The following KIAA1217 variants were observed in gnomAD, a reference collection of about 807,000 sequenced individuals.
The protein encoded by KIAA1217 is KIAA1217.
KIAA1217 carries 88 observed loss-of-function variants against 163.9 expected under a neutral mutation model. The ratio of observed to expected loss-of-function variants is 0.54; its 90% CI spans 0.45 to 0.64. KIAA1217 has a LOEUF of 0.64. KIAA1217 is among the 30% of genes least tolerant of loss of function. The pLI is 0.00. For synonymous variants in KIAA1217, 903 were observed against 923.1 expected (o/e 0.98, Z 0.39); for missense variants, 2,372 against 2,475.0 (o/e 0.96, Z 0.88).
chr10:24,263,553 A>G, intron 2 of KIAA1217, among the ~76,000 whole-genome samples: 1 of 152,176 alleles, frequency 6.6e-6, no homozygotes, highest in African/African-American at 2.4e-5. Flanking sequence ...GACTCCAAGG[A>G]CATTTTAACC....
At chr10:23,835,740 T>C (rs1208564758) in intron 1 of KIAA1217, among the ~76,000 whole-genome samples, 1 of 148,868 alleles carries the variant, frequency 6.7e-6, no homozygotes, top group East Asian at 1.9e-4. Flanking sequence ...AAGAATATGA[T>C]TTTTTTTTTC....
chr10:23,917,428 T>C (rs1219695705), intron 1 of KIAA1217, among the ~76,000 whole-genome samples: 1 of 152,164 alleles, frequency 6.6e-6, no homozygotes, highest in East Asian at 1.9e-4. Flanking sequence ...TGTGAATACT[T>C]GGCAGCAAGC....
intron 1 of KIAA1217, among the ~76,000 whole-genome samples, chr10:23,824,117 C>CA (rs1429039734): frequency 6.6e-6 from 1 of 151,700 alleles, no homozygotes; most frequent in African/African-American, 2.4e-5. Flanking sequence ...ACAAAAAATA[C>CA]AAAAAATTAG....
chr10:23,962,063 C>T lies in KIAA1217; in HGVS notation c.-320-45162C>T, dbSNP rs180950695. On this transcript the variant is annotated intron_variant, in intron 1 of 18. Transcript: ENST00000376462. ...GAGATACTGGAGGTTAGGCTTTAAA[C>T]GTAAGAATGTTGGGGGCACTCAATT... Among the ~76,000 whole-genome samples, 553 of 152,296 alleles carry T rather than the reference C, an allele frequency of 3.6e-3. 5 individuals are homozygous for T. Among genetic ancestry groups the T allele is most frequent in the African/African-American group, 0.012 (506 of 41,570 alleles).
intron 2 of KIAA1217, among the ~76,000 whole-genome samples, chr10:24,013,037 A>G (rs905431024): frequency 6.6e-6 from 1 of 152,214 alleles, no homozygotes; most frequent in Non-Finnish European, 1.5e-5. Context: ...AGATAAGCAC[A>G]GAGTGACAAT....
chr10:23,981,932 A>G (rs1845782392), intron 1 of KIAA1217, among the ~76,000 whole-genome samples: 1 of 152,016 alleles, frequency 6.6e-6, no homozygotes, highest in Admixed American at 6.6e-5. Flanking sequence ...TAAAATTTTA[A>G]TGGGACCAAA....
At chr10:24,000,153 T>C (rs1846673528) in intron 1 of KIAA1217, among the ~76,000 whole-genome samples, 1 of 152,222 alleles carries the variant, frequency 6.6e-6, no homozygotes, top group Admixed American at 6.5e-5. Context: ...TTGTATACTT[T>C]TAAAATCCAA....
intron 2 of KIAA1217, among the ~76,000 whole-genome samples, chr10:24,269,329 C>T (rs190936947): frequency 6.6e-6 from 1 of 151,842 alleles, no homozygotes; most frequent in African/African-American, 2.4e-5. Flanking sequence ...TTGAGACCAC[C>T]CTGGGCAACA....
rs559915109 is a variant in KIAA1217, at chr10:24,242,805, T to C, written c.354+22896T>C. Among the ~76,000 whole-genome samples the C allele has an allele frequency of 3.3e-5, 5 of 152,302 alleles. No individual in the cohort carries two copies. In the South Asian group the frequency reaches 1.0e-3, roughly 32 times the overall value. Reference sequence around the variant, plus strand: ...CTGACCGGTGTGAGATGGTATCTCATTGTGGTTTTGATTTGCATATCTCTG... The same window carrying C: ...CTGACCGGTGTGAGATGGTATCTCACTGTGGTTTTGATTTGCATATCTCTG... On this transcript the variant is annotated intron_variant, in intron 2 of 20. Transcript: ENST00000376454.
At chr10:23,976,993 CAG>C (rs1483897867) in intron 1 of KIAA1217, among the ~76,000 whole-genome samples, 6 of 152,174 alleles carry the variant, frequency 3.9e-5, no homozygotes, top group African/African-American at 1.4e-4. Context: ...AGCAGAATAA[CAG>C]TGAAAAGTTA....
Position 24,521,932 on chromosome 10 carries a change from G to A in KIAA1217, c.2456+3G>A, listed in dbSNP as rs770957444. ...GACGTCCTGACCATGCTGCGGAGGT[G>A]ACCGGGCCCTCATCGTGCTGGGGGT... On this transcript the variant is annotated splice_donor_region_variant and intron_variant, in intron 12 of 20. Coordinates refer to ENST00000376454, the MANE Select transcript of KIAA1217 (RefSeq NM_019590.5). 1 of 1,603,348 alleles carries A rather than the reference G, an allele frequency of 6.2e-7. No homozygotes were observed. The highest frequency in any genetic ancestry group is 2.2e-5 in the East Asian group (1 of 44,620).
chr10:24,361,360 G>T (rs2049975056), intron 2 of KIAA1217, among the ~76,000 whole-genome samples: 1 of 151,990 alleles, frequency 6.6e-6, no homozygotes, highest in African/African-American at 2.4e-5. Context: ...GCGAATTTTT[G>T]TATTATTTGT....
chr10:23,705,623 A>C (rs1367880650), intron 1 of KIAA1217, among the ~76,000 whole-genome samples: 3 of 152,158 alleles, frequency 2.0e-5, no homozygotes. Context: ...CCAGTACCAC[A>C]TTATCTTGGA....
At chr10:24,150,463 C>T (rs1055448053) in intron 2 of KIAA1217, among the ~76,000 whole-genome samples, 5 of 152,202 alleles carry the variant, frequency 3.3e-5, no homozygotes, top group Admixed American at 6.5e-5. Flanking sequence ...ATGGGCCAGA[C>T]CAGAGAAGGT....
chr10:23,926,649 C>T (rs984142013), intron 1 of KIAA1217, among the ~76,000 whole-genome samples: 7 of 151,838 alleles, frequency 4.6e-5, no homozygotes, highest in East Asian at 2.0e-4. Flanking sequence ...TGCTTGAACC[C>T]GGGAGGCGGA....
chr10:23,919,883 C>T (rs902237475), intron 1 of KIAA1217, among the ~76,000 whole-genome samples: 1 of 152,140 alleles, frequency 6.6e-6, no homozygotes, highest in Non-Finnish European at 1.5e-5. Context: ...CTAGTTCCTT[C>T]CTTCCTGACC....
At chr10:23,892,161 T>C (rs189963847) in intron 1 of KIAA1217, among the ~76,000 whole-genome samples, 5 of 152,088 alleles carry the variant, frequency 3.3e-5, no homozygotes. Flanking sequence ...AGTAAATGTC[T>C]TACATTTCAA....
intron 3 of KIAA1217, among the ~76,000 whole-genome samples, chr10:24,381,952 G>A (rs941002462): frequency 2.0e-5 from 3 of 151,778 alleles, no homozygotes; most frequent in Non-Finnish European, 4.4e-5. Context: ...GGCTTGGTGT[G>A]TGTAGGGCAC....
intron 1 of KIAA1217, among the ~76,000 whole-genome samples, chr10:23,831,188 T>C (rs1421901692): frequency 1.3e-5 from 2 of 151,408 alleles, no homozygotes; most frequent in Non-Finnish European, 2.9e-5. Context: ...ACAGGGGAAA[T>C]TGACATAGAC....
Sources: gnomAD v4.1 joint callset for allele counts (sites outside exome capture counted in the v4.1 genomes callset) on GRCh38, gnomAD v4.1.1 for gene constraint, MANE v1.5 for transcripts, NCBI Gene and HGNC (gene_info 2026-07-23, HGNC 2026-07-21) for gene names.